DNAH5: variants seen among roughly 807,000 people sequenced by gnomAD.
The protein encoded by DNAH5 is dynein axonemal heavy chain 5.
A neutral mutation model predicts 518.2 loss-of-function variants in DNAH5; 372 were observed. That is an observed-to-expected ratio of 0.72 (90% CI 0.66 to 0.78). The LOEUF (loss-of-function observed/expected upper bound fraction) is 0.78, where lower values mean the gene tolerates loss of function less well. Ranked by LOEUF, DNAH5 falls within the 30% of genes least tolerant of loss-of-function variation. The pLI is 0.00. For missense variants in DNAH5, 5,523 were observed against 5,687.0 expected, an observed-to-expected ratio of 0.97 and a Z score of 0.93; for synonymous variants, 2,039 against 2,025.9, an observed-to-expected ratio of 1.01 and a Z score of -0.17.
At chr5:13,893,152 T>C (rs958886644) in intron 16 of DNAH5, among the ~76,000 whole-genome samples, 2 of 152,128 alleles carry the variant, frequency 1.3e-5, no homozygotes. Context: ...AATCTACTGA[T>C]AAGACAAGCT....
At position 13,717,539 on chromosome 5, in the gene DNAH5, T is replaced by C. The variant is rs372037071; in HGVS notation, c.12500-19A>G. 2.5e-6 allele frequency: 4 copies of C among 1,600,606 alleles called. No homozygotes were observed. Among genetic ancestry groups the C allele is most frequent in the Non-Finnish European group, 3.4e-6 (4 of 1,168,016 alleles). ...CTGACACCTGTTGTGGTCAGTTGGG[T>C]GAAAAATGTATCATCTCTCAAATGT... On this transcript the variant is annotated intron_variant, in intron 72 of 78. Transcript: ENST00000265104.
Position 13,720,981 on chromosome 5 carries a change from G to A in DNAH5, c.12279+19C>T. 6.2e-7 allele frequency: 1 copy of A among 1,614,048 alleles called. No individual in the cohort carries two copies. The highest frequency in any genetic ancestry group is 8.5e-7 in the Non-Finnish European group (1 of 1,179,954). ...GTAATATGAACAGCATGGCACAAAA[G>A]TAGACTATTCAGCCTTACGTTCGCC... On this transcript the variant is annotated intron_variant, in intron 71 of 78. Coordinates refer to ENST00000265104, the MANE Select transcript of DNAH5 (RefSeq NM_001369.3).
chr5:13,703,643 TCAAA>T (rs1742414865), intron 76 of DNAH5, among the ~76,000 whole-genome samples: 1 of 152,236 alleles, frequency 6.6e-6, no homozygotes, highest in Non-Finnish European at 1.5e-5. Context: ...TTTGTCATCC[TCAAA>T]CAGTAGCCTG....
At chr5:13,865,994 C>T in intron 26 of DNAH5, 88 bp from the exon 27 acceptor site, 1 of 1,056,670 alleles carries the variant, frequency 9.5e-7, no homozygotes, top group Non-Finnish European at 1.5e-6. Context: ...AACAAGCAAG[C>T]CAGAGATGTA....
At chr5:13,829,802 G>T in intron 37 of DNAH5, 98 bp from the exon 38 acceptor site, 1 of 1,276,388 alleles carries the variant, frequency 7.8e-7, no homozygotes, top group Non-Finnish European at 1.1e-6. Context: ...AATCTGGAAT[G>T]ACAACCAGGG....
chr5:13,801,368 G>A (rs957639340), intron 47 of DNAH5, among the ~76,000 whole-genome samples: 5 of 152,106 alleles, frequency 3.3e-5, no homozygotes, highest in Non-Finnish European at 5.9e-5. Flanking sequence ...CCCCAGCCAC[G>A]TTTCCCGTAT....
chr5:13,757,922 A>T (rs1032472433), intron 61 of DNAH5, among the ~76,000 whole-genome samples: 1 of 152,222 alleles, frequency 6.6e-6, no homozygotes, highest in African/African-American at 2.4e-5. Flanking sequence ...AATTCGGCCA[A>T]GTAAAGGCTG....
intron 1 of DNAH5, among the ~76,000 whole-genome samples, chr5:14,011,465 C>T (rs1785114487): frequency 6.6e-6 from 1 of 152,164 alleles, no homozygotes; most frequent in Non-Finnish European, 1.5e-5. Context: ...AATCCCAGCC[C>T]TAAAAGGTCA....
chr5:13,908,027 A>G (rs560786329), intron 12 of DNAH5, among the ~76,000 whole-genome samples: 3 of 152,300 alleles, frequency 2.0e-5, no homozygotes, highest in African/African-American at 7.2e-5. Flanking sequence ...AGACCACCAC[A>G]GGAGATACGA....
intron 65 of DNAH5, among the ~76,000 whole-genome samples, chr5:13,741,143 C>A (rs1252660606): frequency 6.6e-6 from 1 of 152,062 alleles, no homozygotes; most frequent in Non-Finnish European, 1.5e-5. Context: ...CTCTGAAAAC[C>A]ATGACATTAA....
At chr5:13,825,900 A>G (rs1007544553) in intron 38 of DNAH5, among the ~76,000 whole-genome samples, 2 of 152,260 alleles carry the variant, frequency 1.3e-5, no homozygotes, top group Non-Finnish European at 2.9e-5. Context: ...GGAAAAAACT[A>G]CAGTCTTCTG....
At chr5:13,705,953 C>T (rs922435498) in intron 76 of DNAH5, among the ~76,000 whole-genome samples, 2 of 152,190 alleles carry the variant, frequency 1.3e-5, no homozygotes, top group Non-Finnish European at 2.9e-5. Context: ...GAAGGGAGCA[C>T]GGCTGGCCAA....
In DNAH5 at chr5:13,691,224, G is replaced by A. The variant is rs932481352; in HGVS notation, c.*760C>T. The A allele has an allele frequency of 2.0e-5, 3 of 152,168 alleles. No homozygotes were observed. The highest frequency in any genetic ancestry group is 4.4e-5 in the Non-Finnish European group (3 of 68,026). 9.4% of individuals were successfully genotyped at this position (152,168 alleles called of 1,614,324 possible). ...GTAGAGAAAACAAAGATCCAAGGGT[G>A]TGAATATTTTTATGGCTCTTTCTGT... is the stretch of plus-strand genomic sequence containing the variant. On this transcript the variant is annotated 3_prime_UTR_variant, in exon 79 of 79. Transcript: ENST00000265104.
At chr5:13,761,979 T>G (rs1580109589) in intron 60 of DNAH5, among the ~76,000 whole-genome samples, 1 of 152,208 alleles carries the variant, frequency 6.6e-6, no homozygotes, top group Non-Finnish European at 1.5e-5. Flanking sequence ...CAAGTGTAAG[T>G]AGAATGTAGT....
chr5:13,858,292 A>T (rs529058480), intron 30 of DNAH5, among the ~76,000 whole-genome samples: 3 of 152,256 alleles, frequency 2.0e-5, no homozygotes, highest in South Asian at 2.1e-4. Context: ...GCTAGAAACC[A>T]TCATTCTCAG....
At chr5:13,961,218 G>A (rs997441923) in intron 1 of DNAH5, among the ~76,000 whole-genome samples, 1 of 152,158 alleles carries the variant, frequency 6.6e-6, no homozygotes, top group Non-Finnish European at 1.5e-5. Flanking sequence ...ATAAAAGAGA[G>A]TATTACTATA....
chr5:13,929,816 G>A (rs1451067582), intron 2 of DNAH5, among the ~76,000 whole-genome samples: 1 of 152,156 alleles, frequency 6.6e-6, no homozygotes, highest in Non-Finnish European at 1.5e-5. Flanking sequence ...CTGAACTTTT[G>A]CCTGCTTCTT....
At chr5:13,796,854 G>T (rs1246701510) in intron 47 of DNAH5, among the ~76,000 whole-genome samples, 5 of 151,998 alleles carry the variant, frequency 3.3e-5, no homozygotes, top group South Asian at 2.1e-4. Context: ...AAAACAGAGA[G>T]ATAGACCAAT....
At chr5:13,724,824 T>A (rs1275766872) in intron 70 of DNAH5, among the ~76,000 whole-genome samples, 2 of 152,222 alleles carry the variant, frequency 1.3e-5, no homozygotes, top group African/African-American at 4.8e-5. Context: ...TCCTTCACCT[T>A]CTGCCATGAT....
Sources: gnomAD v4.1 joint callset for allele counts (sites outside exome capture counted in the v4.1 genomes callset) on GRCh38, gnomAD v4.1.1 for gene constraint, MANE v1.5 for transcripts, NCBI Gene and HGNC (gene_info 2026-07-23, HGNC 2026-07-21) for gene names.